Variants in PAPPA observed in about 807,000 individuals in gnomAD.
The protein encoded by PAPPA is pappalysin 1, also known as pappalysin-1.
A neutral mutation model predicts 164.0 loss-of-function variants in PAPPA; 60 were observed. That is an observed-to-expected ratio of 0.37 (90% confidence interval 0.30 to 0.45). The LOEUF is 0.45. Among genes scored for constraint, PAPPA ranks in the 20% least tolerant of loss-of-function variants. The probability of loss-of-function intolerance (pLI) is 1.00; values close to 1 mark genes in which losing one functional copy is unlikely to be tolerated. For missense variants in PAPPA, 1,782 were observed against 2,087.3 expected, an observed-to-expected ratio of 0.85 and a Z score of 2.85; for synonymous variants, 875 against 814.1, an observed-to-expected ratio of 1.07 and a Z score of -1.27.
At chr9:116,349,034 A>G (rs190158652) in intron 15 of PAPPA, among the ~76,000 whole-genome samples, 10 of 152,118 alleles carry the variant, frequency 6.6e-5, no homozygotes, top group Non-Finnish European at 4.4e-5. Context: ...TTTTTGCCCC[A>G]CCTGGCCCTC....
chr9:116,270,216 T>A (rs1228194688), intron 8 of PAPPA, among the ~76,000 whole-genome samples: 5 of 152,180 alleles, frequency 3.3e-5, no homozygotes, highest in Non-Finnish European at 4.4e-5. Flanking sequence ...TGCCAACCAC[T>A]TTAAGCTACT....
At chr9:116,290,049 A>G (rs1167981440) in intron 9 of PAPPA, among the ~76,000 whole-genome samples, 1 of 152,216 alleles carries the variant, frequency 6.6e-6, no homozygotes, top group East Asian at 1.9e-4. Flanking sequence ...TGAAAACAAC[A>G]CAGCTTATAG....
Position 116,187,099 on chromosome 9 carries a change from C to A in PAPPA, c.416-55C>A. 3 of 1,278,632 alleles carry A rather than the reference C, an allele frequency of 2.3e-6. No homozygotes were observed. The highest frequency in any genetic ancestry group is 1.3e-5 in the South Asian group (1 of 76,864). The allele number at this position is 1,278,632 out of a possible 1,614,324, so 79.2% of individuals were successfully genotyped here. A position where few individuals can be genotyped will look rare whatever the true frequency, so the allele number is the denominator to read the frequency against. ...TTTTATTAGAGAAAAATAACTTAAC[C>A]CCCCCTCCTTTTCCATCCTTTATTT... On this transcript the variant is annotated intron_variant, in intron 1 of 21. Transcript: ENST00000328252. This position sits in a 1 kb window ranked among gnomAD's most constrained non-coding sequence, Gnocchi z 4.2.
At chr9:116,320,576 C>A (rs1335852608) in intron 10 of PAPPA, among the ~76,000 whole-genome samples, 2 of 152,188 alleles carry the variant, frequency 1.3e-5, no homozygotes, top group Admixed American at 1.3e-4. Flanking sequence ...ACGCAAACCA[C>A]CCCTCCCTTT....
intron 2 of PAPPA, among the ~76,000 whole-genome samples, chr9:116,206,586 C>A (rs180892557): frequency 2.3e-4 from 35 of 152,178 alleles, no homozygotes; most frequent in African/African-American, 7.9e-4. Flanking sequence ...AAGCTTTGTG[C>A]GGAGAACTGG....
chr9:116,206,902 T>C (rs149225298), intron 2 of PAPPA, among the ~76,000 whole-genome samples: 3 of 152,280 alleles, frequency 2.0e-5, no homozygotes, highest in African/African-American at 7.2e-5. Flanking sequence ...CCGTACAGGG[T>C]ACAGAGATGT....
At position 116,321,030 on chromosome 9, in the gene PAPPA, A is replaced by ATT. The variant is rs373269177; in HGVS notation, c.3148-10200_3148-10199dup. Among the ~76,000 whole-genome samples the ATT allele has an allele frequency of 5.2e-3, 737 of 143,016 alleles. 5 individuals carry two copies. Among genetic ancestry groups the ATT allele is most frequent in the African/African-American group, 0.018 (688 of 39,062 alleles). 93.8% of individuals were successfully genotyped at this position (143,016 alleles called of 152,430 possible). On this transcript the variant is annotated intron_variant, in intron 10 of 21. Coordinates refer to ENST00000328252, the MANE Select transcript of PAPPA (RefSeq NM_002581.5). ...ATGTAAAGTGGTATTGTTGTTATAC[A>ATT]TTTTTTTTTTTTTTTGAGACGGAGT...
chr9:116,221,541 G>A (rs1844446093), intron 5 of PAPPA, among the ~76,000 whole-genome samples: 1 of 152,102 alleles, frequency 6.6e-6, no homozygotes, highest in Non-Finnish European at 1.5e-5. Flanking sequence ...TTCCTCATCT[G>A]CTAGATAAAA....
At chr9:116,301,429 T>C (rs914968402) in intron 9 of PAPPA, among the ~76,000 whole-genome samples, 3 of 152,196 alleles carry the variant, frequency 2.0e-5, no homozygotes, top group African/African-American at 7.2e-5. Flanking sequence ...GGAGGTGGTA[T>C]TTAGCTTTGC....
intron 13 of PAPPA, among the ~76,000 whole-genome samples, chr9:116,341,867 A>G (rs767980538): frequency 9.2e-5 from 14 of 152,240 alleles, no homozygotes; most frequent in Non-Finnish European, 2.1e-4. Flanking sequence ...AGGATGTTAT[A>G]TAAGTTTCCA....
chr9:116,258,720 G>A (rs536727366), intron 7 of PAPPA, among the ~76,000 whole-genome samples: 112 of 152,272 alleles, frequency 7.4e-4, no homozygotes, highest in Non-Finnish European at 1.4e-3. Context: ...GGCAAAGGCA[G>A]TATTACAATT....
At chr9:116,218,145 T>C (rs562291068) in intron 4 of PAPPA, among the ~76,000 whole-genome samples, 2 of 152,170 alleles carry the variant, frequency 1.3e-5, no homozygotes, top group Non-Finnish European at 2.9e-5. Context: ...TAAGAGACAT[T>C]GGGCTCTTCC....
chr9:116,215,287 C>T (rs912461373), intron 4 of PAPPA, among the ~76,000 whole-genome samples: 1 of 152,146 alleles, frequency 6.6e-6, no homozygotes, highest in African/African-American at 2.4e-5. Flanking sequence ...GATAAGGATG[C>T]TTGCCTTGCC....
chr9:116,265,704 G>T (rs766016527), intron 7 of PAPPA, among the ~76,000 whole-genome samples, 153 bp from the exon 8 acceptor site: 4 of 152,346 alleles, frequency 2.6e-5, no homozygotes, highest in Admixed American at 6.5e-5. Context: ...TGTAGCCATA[G>T]TGGACAATAG....
chr9:116,365,201 G>A (rs1229882645), intron 18 of PAPPA, among the ~76,000 whole-genome samples: 3 of 152,152 alleles, frequency 2.0e-5, no homozygotes, highest in Non-Finnish European at 4.4e-5. Context: ...TGTCGGGCTT[G>A]GGGGCTGGAG....
chr9:116,230,030 C>A (rs1345788573), intron 6 of PAPPA, among the ~76,000 whole-genome samples: 1 of 152,170 alleles, frequency 6.6e-6, no homozygotes, highest in Non-Finnish European at 1.5e-5. Context: ...TTGTTCCTGA[C>A]CTTCTTAAAG....
intron 10 of PAPPA, among the ~76,000 whole-genome samples, chr9:116,309,989 A>G (rs1412635670): frequency 6.6e-6 from 1 of 152,126 alleles, no homozygotes; most frequent in African/African-American, 2.4e-5. Flanking sequence ...GAGATGAATC[A>G]CCCCACCCAT....
At chr9:116,389,399 T>C (rs545457479) in intron 21 of PAPPA, among the ~76,000 whole-genome samples, 8 of 152,208 alleles carry the variant, frequency 5.3e-5, no homozygotes, top group African/African-American at 1.9e-4. Flanking sequence ...AGTCAGATCA[T>C]ATCACACCTC....
intron 21 of PAPPA, among the ~76,000 whole-genome samples, chr9:116,390,506 G>A (rs1272564253): frequency 6.6e-6 from 1 of 152,050 alleles, no homozygotes; most frequent in African/African-American, 2.4e-5. Context: ...GCCAGTGGGG[G>A]GTATTCAGGA....
Sources: gnomAD v4.1 joint callset for allele counts (sites outside exome capture counted in the v4.1 genomes callset) on GRCh38, gnomAD v4.1.1 for gene constraint, Gnocchi (gnomAD v3.1) non-coding constraint, MANE v1.5 for transcripts, NCBI Gene and HGNC (gene_info 2026-07-23, HGNC 2026-07-21) for gene names.